The following SPRED1 variants were observed in gnomAD, a reference collection of about 807,000 sequenced individuals.
SPRED1 encodes sprouty related EVH1 domain containing 1.
SPRED1 carries 18 observed loss-of-function variants against 52.3 expected under a neutral mutation model. The ratio of observed to expected loss-of-function variants is 0.34; its 90% confidence interval spans 0.24 to 0.51. The LOEUF is 0.51. Among genes scored for constraint, SPRED1 ranks in the 20% least tolerant of loss-of-function variants. SPRED1 has a pLI of 0.97. For synonymous variants in SPRED1, 155 were observed against 179.7 expected (o/e 0.86, Z 1.10); for missense variants, 485 against 551.0 (o/e 0.88, Z 1.20).
intron 1 of SPRED1, among the ~76,000 whole-genome samples, chr15:38,290,263 T>C (rs1016847036): frequency 6.6e-6 from 1 of 152,154 alleles, no homozygotes; most frequent in African/African-American, 2.4e-5. Flanking sequence ...ATAGTATCAA[T>C]GCTAGTAATT....
intron 4 of SPRED1, among the ~76,000 whole-genome samples, chr15:38,334,993 C>G (rs1286886070): frequency 1.3e-5 from 2 of 151,852 alleles, no homozygotes; most frequent in African/African-American, 4.8e-5. Context: ...GTATTACTAC[C>G]TATTTTTTAC....
At position 38,351,755 on chromosome 15, in the gene SPRED1, T is replaced by C; in HGVS notation, c.*91T>C. 19 of 1,450,478 alleles carry C rather than the reference T, an allele frequency of 1.3e-5. No homozygotes were observed. In the South Asian group the frequency reaches 2.3e-4, roughly 17 times the overall value. 89.9% of individuals were successfully genotyped at this position (1,450,478 alleles called of 1,614,324 possible). A position where few individuals can be genotyped will look rare whatever the true frequency, so the allele number is the denominator to read the frequency against. On this transcript the variant is annotated 3_prime_UTR_variant, in exon 7 of 7. Transcript: ENST00000299084. ...GAAGCTTTTGGCAAGCAATATGGAA[T>C]CTTGCCTGGTATCATTGAGCCCACA...
At chr15:38,264,012 G>A (rs1446989453) in intron 1 of SPRED1, among the ~76,000 whole-genome samples, 1 of 152,204 alleles carries the variant, frequency 6.6e-6, no homozygotes, top group Non-Finnish European at 1.5e-5. Context: ...GGCGAAGTTA[G>A]TAGTTGAAGT....
intron 1 of SPRED1, among the ~76,000 whole-genome samples, chr15:38,255,904 A>G (rs1566845287): frequency 6.6e-6 from 1 of 152,164 alleles, no homozygotes; most frequent in Non-Finnish European, 1.5e-5. Context: ...GAAAAGTGAA[A>G]ATCACCAGTT....
At chr15:38,263,209 C>G (rs2140950750) in intron 1 of SPRED1, among the ~76,000 whole-genome samples, 1 of 152,266 alleles carries the variant, frequency 6.6e-6, no homozygotes, top group Non-Finnish European at 1.5e-5. Context: ...CGCTGTAATG[C>G]TTTTAAATGA....
At chr15:38,272,752 A>G (rs1760801843) in intron 1 of SPRED1, among the ~76,000 whole-genome samples, 1 of 152,048 alleles carries the variant, frequency 6.6e-6, no homozygotes, top group South Asian at 2.1e-4. Context: ...GGCATATCTC[A>G]TTGTGATTTT....
intron 1 of SPRED1, among the ~76,000 whole-genome samples, chr15:38,291,582 G>C (rs8024561): frequency 0.96 from 146,033 of 152,318 alleles, 70,278 homozygotes; most frequent in East Asian, 1. Flanking sequence ...CTTCTGAAAT[G>C]TAGGCAGAAT....
chr15:38,304,894 T>A (rs1423344831), intron 2 of SPRED1, among the ~76,000 whole-genome samples: 1 of 152,224 alleles, frequency 6.6e-6, no homozygotes, highest in Admixed American at 6.5e-5. Context: ...TTTTCTTTTT[T>A]AATTTAATCT....
rs77158173 is a variant in SPRED1, at chr15:38,270,203, A to T, written c.32+16986A>T. On this transcript the variant is annotated intron_variant, in intron 1 of 6. Coordinates refer to ENST00000299084, the MANE Select transcript of SPRED1 (RefSeq NM_152594.3). The stretch of plus-strand genomic sequence containing the variant: ...ATTACAGGCATGAGCCACCATGCCC[A>T]GCCCAAATCTGGAACATTTCTATTC... Among the ~76,000 whole-genome samples, 261 of 152,248 alleles carry T rather than the reference A, an allele frequency of 1.7e-3. 1 individual carries two copies. Among genetic ancestry groups the T allele is most frequent in the African/African-American group, 6.1e-3 (255 of 41,528 alleles).
chr15:38,326,181 T>C (rs1321055142), intron 4 of SPRED1: 1 of 152,262 alleles, frequency 6.6e-6, no homozygotes, highest in Non-Finnish European at 1.5e-5. Context: ...AATGTTTATT[T>C]AGTGGCTGAA....
chr15:38,288,637 C>G (rs532421580), intron 1 of SPRED1, among the ~76,000 whole-genome samples: 1 of 152,196 alleles, frequency 6.6e-6, no homozygotes, highest in African/African-American at 2.4e-5. Context: ...AACTATTATA[C>G]TTAAGGAGTA....
intron 1 of SPRED1, among the ~76,000 whole-genome samples, chr15:38,291,398 G>T (rs183385622): frequency 2.0e-5 from 3 of 152,286 alleles, no homozygotes; most frequent in Admixed American, 2.0e-4. Context: ...ACCATTCTGG[G>T]GTCTGGTAAA....
intron 1 of SPRED1, among the ~76,000 whole-genome samples, chr15:38,268,735 T>C (rs1284952478): frequency 6.6e-6 from 1 of 152,216 alleles, no homozygotes; most frequent in Admixed American, 6.5e-5. Context: ...AATTAAAAGA[T>C]TTTTCACAGG....
chr15:38,289,922 G>T (rs1450709676), intron 1 of SPRED1, among the ~76,000 whole-genome samples: 1 of 152,118 alleles, frequency 6.6e-6, no homozygotes, highest in African/African-American at 2.4e-5. Context: ...TGTTAGGACA[G>T]CAATAAAAAG....
intron 1 of SPRED1, among the ~76,000 whole-genome samples, chr15:38,287,720 G>A (rs992961395): frequency 6.6e-6 from 1 of 152,112 alleles, no homozygotes; most frequent in Non-Finnish European, 1.5e-5. Context: ...GCATACCACT[G>A]TTTACAGATG....
chr15:38,348,375 A>T (rs919548265), intron 5 of SPRED1, among the ~76,000 whole-genome samples: 2 of 151,800 alleles, frequency 1.3e-5, no homozygotes, highest in Non-Finnish European at 2.9e-5. Flanking sequence ...CATTAAATGC[A>T]GAGACCAAGG....
intron 1 of SPRED1, among the ~76,000 whole-genome samples, chr15:38,284,190 A>G (rs1894754071): frequency 6.6e-6 from 1 of 152,156 alleles, no homozygotes; most frequent in Non-Finnish European, 1.5e-5. Context: ...TCAGCCTGTG[A>G]AAATACACAT....
At chr15:38,324,636 G>A in intron 3 of SPRED1, 127 bp from the exon 4 acceptor site, 2 of 719,260 alleles carry the variant, frequency 2.8e-6, no homozygotes, top group Non-Finnish European at 4.7e-6. Context: ...TACCTTAATT[G>A]CCAGGCAGTC....
rs149975593 is a variant in SPRED1 at position 38,344,147 on chromosome 15, A to G, written c.582+4252A>G. 8.2e-3 allele frequency among the ~76,000 whole-genome samples: 1,250 copies of G among 152,304 alleles called. 20 individuals are homozygous for G. The highest frequency in any genetic ancestry group is 0.029 in the African/African-American group (1,196 of 41,556). ...TGAATCTGGAGATACTCAGTTTAAC[A>G]GTTTTAAGTACAAAATGTTTTCCCA... On this transcript the variant is annotated intron_variant, in intron 5 of 6. Transcript: ENST00000299084.
Sources: gnomAD v4.1 joint callset for allele counts (sites outside exome capture counted in the v4.1 genomes callset) on GRCh38, gnomAD v4.1.1 for gene constraint, MANE v1.5 for transcripts, NCBI Gene and HGNC (gene_info 2026-07-23, HGNC 2026-07-21) for gene names.